LHFPL3: variants seen among roughly 807,000 people sequenced by gnomAD.
LHFPL3 encodes the protein LHFPL tetraspan subfamily member 3 protein.
Under a neutral mutation model 19.3 loss-of-function variants are expected in LHFPL3, and 5 were observed. The ratio of observed to expected loss-of-function variants is 0.26; its 90% CI spans 0.14 to 0.54. LHFPL3 has a LOEUF of 0.54. LHFPL3 is among the 20% of genes least tolerant of loss of function. LHFPL3 has a pLI of 0.94. For synonymous variants in LHFPL3, 133 were observed against 126.2 expected (o/e 1.05, Z -0.36); for missense variants, 249 against 307.4 (o/e 0.81, Z 1.42).
chr7:104,491,057 A>G (rs113755816), intron 1 of LHFPL3, among the ~76,000 whole-genome samples: 36 of 152,222 alleles, frequency 2.4e-4, no homozygotes, highest in African/African-American at 7.7e-4. Context: ...CTCCTAGAAG[A>G]TCCTGGTCTG....
Position 104,908,496 on chromosome 7 carries a change from T to G in LHFPL3, c.*2281T>G, listed in dbSNP as rs1340080338. On this transcript the variant is annotated 3_prime_UTR_variant, in exon 3 of 3. Transcript: ENST00000424859. ...TAAGGTCCAAGAAATGTAAAGAAAT[T>G]TGTTGGAATACCTGAATTTCTGTAA... 6.6e-6 allele frequency among the ~76,000 whole-genome samples: 1 copy of G among 152,184 alleles called. No individual in the cohort carries two copies. The highest frequency in any genetic ancestry group is 2.4e-5 in the African/African-American group (1 of 41,446).
intron 1 of LHFPL3, among the ~76,000 whole-genome samples, chr7:104,715,885 G>A (rs773901618): frequency 7.9e-5 from 12 of 152,136 alleles, no homozygotes; most frequent in African/African-American, 1.9e-4. Flanking sequence ...TGGCTTTGGC[G>A]TCAGAGTAAT....
intron 2 of LHFPL3, chr7:104,803,655 A>T (rs767460549): frequency 2.0e-5 from 3 of 152,226 alleles, no homozygotes; most frequent in African/African-American, 7.2e-5. Flanking sequence ...TATAAGGAAG[A>T]CTTGGTTTCA....
At chr7:104,813,797 C>A (rs1347102106) in intron 2 of LHFPL3, among the ~76,000 whole-genome samples, 1 of 152,184 alleles carries the variant, frequency 6.6e-6, no homozygotes, top group African/African-American at 2.4e-5. Flanking sequence ...CACGGTGGTG[C>A]CTGAAAGCTT....
chr7:104,501,489 G>A (rs1039709131), intron 1 of LHFPL3, among the ~76,000 whole-genome samples: 6 of 152,084 alleles, frequency 3.9e-5, no homozygotes, highest in African/African-American at 1.4e-4. Flanking sequence ...CTATCTAAAG[G>A]CACTTTTTTT....
Position 104,642,141 on chromosome 7 carries a change from G to A in LHFPL3, c.446-94534G>A, listed in dbSNP as rs189312253. Among the ~76,000 whole-genome samples the A allele has an allele frequency of 3.9e-4, 58 of 147,240 alleles. 1 individual carries two copies. In the East Asian group the frequency reaches 0.011, roughly 27 times the overall value. On this transcript the variant is annotated intron_variant, in intron 1 of 2. Transcript: ENST00000424859. ...CAGCCTCTGCCTCCCAGGTTCAAGC[G>A]ATTCTCATGCCTCAGCCTCCCAAAT...
intron 1 of LHFPL3, among the ~76,000 whole-genome samples, chr7:104,339,051 C>T (rs930092092): frequency 1.3e-5 from 2 of 152,102 alleles, no homozygotes; most frequent in African/African-American, 2.4e-5. Flanking sequence ...CATTCAAGAC[C>T]AGCCTGACCA....
chr7:104,518,388 A>T (rs1186704513), intron 1 of LHFPL3, among the ~76,000 whole-genome samples: 3 of 152,186 alleles, frequency 2.0e-5, no homozygotes, highest in Non-Finnish European at 4.4e-5. Flanking sequence ...TTAAGTTTGA[A>T]TAATAATAGC....
intron 1 of LHFPL3, among the ~76,000 whole-genome samples, chr7:104,548,712 G>A (rs1047167141): frequency 6.6e-6 from 1 of 152,170 alleles, no homozygotes; most frequent in African/African-American, 2.4e-5. Context: ...GTGAGTGTCA[G>A]GAATGAGGTA....
intron 1 of LHFPL3, among the ~76,000 whole-genome samples, chr7:104,476,120 G>A (rs1793008128): frequency 6.6e-6 from 1 of 152,178 alleles, no homozygotes; most frequent in African/African-American, 2.4e-5. Context: ...ATTGACAGAT[G>A]TATAGCCACT....
chr7:104,835,818 C>T (rs1791082746), intron 2 of LHFPL3, among the ~76,000 whole-genome samples: 1 of 151,618 alleles, frequency 6.6e-6, no homozygotes, highest in South Asian at 2.1e-4. Context: ...AGGTTTGTTA[C>T]ATAGGTATAC....
At chr7:104,356,034 T>C (rs1790267054) in intron 1 of LHFPL3, among the ~76,000 whole-genome samples, 1 of 152,236 alleles carries the variant, frequency 6.6e-6, no homozygotes, top group Non-Finnish European at 1.5e-5. Flanking sequence ...TAGGCATTAA[T>C]AACAAAGACA....
At chr7:104,494,370 A>G (rs1245372490) in intron 1 of LHFPL3, among the ~76,000 whole-genome samples, 2 of 152,094 alleles carry the variant, frequency 1.3e-5, no homozygotes, top group African/African-American at 4.8e-5. Context: ...CTATTCTCTT[A>G]TTTATTCTTC....
intron 1 of LHFPL3, among the ~76,000 whole-genome samples, chr7:104,723,722 C>CAAAAAAAAA (rs1167618176): frequency 8.5e-5 from 4 of 46,946 alleles, no homozygotes; most frequent in African/African-American, 1.9e-4. Flanking sequence ...ACTATGTCTC[C>CAAAAAAAAA]AAAAAAAAAA....
intron 1 of LHFPL3, among the ~76,000 whole-genome samples, chr7:104,590,281 T>G (rs10245410): frequency 0.044 from 6,646 of 152,288 alleles, 171 homozygotes; most frequent in African/African-American, 0.062. Flanking sequence ...CACACTGCTT[T>G]AAATGTGTCC....
chr7:104,503,519 A>G (rs373485289), intron 1 of LHFPL3, among the ~76,000 whole-genome samples: 1 of 152,026 alleles, frequency 6.6e-6, no homozygotes, highest in African/African-American at 2.4e-5. Flanking sequence ...TGAGTATTCT[A>G]TTTCATAGTT....
chr7:104,523,902 C>A (rs1460304714), intron 1 of LHFPL3, among the ~76,000 whole-genome samples: 2 of 152,184 alleles, frequency 1.3e-5, no homozygotes, highest in Non-Finnish European at 2.9e-5. Flanking sequence ...CCAAGACTTA[C>A]TAAAGAAGCA....
intron 2 of LHFPL3, among the ~76,000 whole-genome samples, chr7:104,866,474 A>G (rs1216930780): frequency 6.6e-6 from 1 of 152,222 alleles, no homozygotes; most frequent in South Asian, 2.1e-4. Flanking sequence ...CAGAAGAGAC[A>G]AAGAAGGCCA....
At chr7:104,843,958 G>A (rs1302405358) in intron 2 of LHFPL3, among the ~76,000 whole-genome samples, 2 of 152,170 alleles carry the variant, frequency 1.3e-5, no homozygotes, top group African/African-American at 4.8e-5. Flanking sequence ...TCAAATTGAG[G>A]AAAAGTGAGG....
Sources: allele counts gnomAD v4.1 joint callset (sites outside exome capture counted in the v4.1 genomes callset), GRCh38; gene constraint gnomAD v4.1.1; transcripts MANE v1.5; gene names NCBI Gene and HGNC (gene_info 2026-07-23, HGNC 2026-07-21).